Variants in MYO1D observed in about 807,000 individuals in gnomAD.
MYO1D encodes the protein unconventional myosin-Id.
A neutral mutation model predicts 122.0 loss-of-function variants in MYO1D; 83 were observed. The observed-to-expected ratio is 0.68, with a 90% CI of 0.57 to 0.82. The LOEUF is 0.82. Ranked by LOEUF, MYO1D falls within the 40% of genes least tolerant of loss-of-function variation. The pLI is 0.00. For synonymous variants in MYO1D, 464 were observed against 446.9 expected (o/e 1.04, Z -0.48); for missense variants, 1,157 against 1,269.5 (o/e 0.91, Z 1.35).
intron 21 of MYO1D, chr17:32,498,547 C>T (rs1909205842): frequency 6.6e-6 from 1 of 152,224 alleles, no homozygotes; most frequent in East Asian, 1.9e-4. Context: ...GCACTGGAAA[C>T]ATGAAACCCG....
intron 21 of MYO1D, among the ~76,000 whole-genome samples, chr17:32,524,035 C>T (rs571334551): frequency 3.9e-5 from 6 of 152,314 alleles, no homozygotes; most frequent in East Asian, 1.9e-4. Context: ...CAGTGCCGTG[C>T]GTAATCAGCA....
At chr17:32,600,285 T>C (rs907950877) in intron 21 of MYO1D, among the ~76,000 whole-genome samples, 3 of 152,200 alleles carry the variant, frequency 2.0e-5, no homozygotes, top group African/African-American at 4.8e-5. Context: ...CCTGGGATTT[T>C]TGGAACAGTC....
chr17:32,657,803 C>T (rs2088497520), intron 17 of MYO1D, among the ~76,000 whole-genome samples: 1 of 152,186 alleles, frequency 6.6e-6, no homozygotes, highest in Non-Finnish European at 1.5e-5. Flanking sequence ...TTCTAGACCA[C>T]AAGTAAAACC....
At chr17:32,667,075 T>C (rs1482300519) in intron 16 of MYO1D, among the ~76,000 whole-genome samples, 1 of 152,214 alleles carries the variant, frequency 6.6e-6, no homozygotes, top group African/African-American at 2.4e-5. Flanking sequence ...GTTAAAAAGT[T>C]GTGGTAGAGG....
intron 1 of MYO1D, among the ~76,000 whole-genome samples, chr17:32,803,543 G>C (rs1451396838): frequency 6.6e-6 from 1 of 152,126 alleles, no homozygotes; most frequent in Non-Finnish European, 1.5e-5. Flanking sequence ...TCATGAAATT[G>C]GTTTGGGAAA....
At chr17:32,601,368 G>A (rs1010774781) in intron 21 of MYO1D, among the ~76,000 whole-genome samples, 4 of 152,100 alleles carry the variant, frequency 2.6e-5, no homozygotes, top group African/African-American at 9.7e-5. Flanking sequence ...GGAGCCTGAG[G>A]AGAGGAAGAG....
intron 10 of MYO1D, among the ~76,000 whole-genome samples, chr17:32,758,267 A>C (rs1218313975): frequency 6.6e-6 from 1 of 152,174 alleles, no homozygotes; most frequent in Non-Finnish European, 1.5e-5. Flanking sequence ...GGAAAAAAAG[A>C]AACATGGAGA....
At chr17:32,862,947 A>T (rs1321599174) in intron 1 of MYO1D, 3 of 152,230 alleles carry the variant, frequency 2.0e-5, no homozygotes, top group Non-Finnish European at 4.4e-5. Flanking sequence ...TCCAGAAGAC[A>T]GAGTCCGGGG....
intron 1 of MYO1D, among the ~76,000 whole-genome samples, chr17:32,847,741 C>G (rs947946328): frequency 7.2e-5 from 11 of 152,102 alleles, no homozygotes; most frequent in Non-Finnish European, 1.0e-4. Flanking sequence ...TCTCCAACTC[C>G]TGGGCTCAAG....
chr17:32,659,505 T>C, intron 16 of MYO1D, 167 bp from the exon 17 acceptor site: 2 of 632,104 alleles, frequency 3.2e-6, no homozygotes, highest in Non-Finnish European at 5.5e-6. Context: ...CACCAACAGA[T>C]GGCGTGGGGA....
intron 21 of MYO1D, among the ~76,000 whole-genome samples, chr17:32,547,722 C>T (rs149484058): frequency 1.4e-4 from 21 of 152,246 alleles, no homozygotes; most frequent in Admixed American, 1.1e-3. Context: ...CAAGGCAGGC[C>T]GATCACTTGA....
At chr17:32,643,483 G>C (rs2088235403) in intron 19 of MYO1D, among the ~76,000 whole-genome samples, 1 of 152,152 alleles carries the variant, frequency 6.6e-6, no homozygotes, top group Non-Finnish European at 1.5e-5. Context: ...GATTGGAATA[G>C]TTTCAGAAGG....
chr17:32,803,443 G>C (rs1475270105), intron 1 of MYO1D, among the ~76,000 whole-genome samples: 2 of 152,010 alleles, frequency 1.3e-5, no homozygotes, highest in Non-Finnish European at 2.9e-5. Context: ...ACCACGCCGG[G>C]CCCAGAACTT....
At chr17:32,870,075 C>T (rs1342974297) in intron 1 of MYO1D, among the ~76,000 whole-genome samples, 1 of 152,006 alleles carries the variant, frequency 6.6e-6, no homozygotes, top group Non-Finnish European at 1.5e-5. Flanking sequence ...AAGAAATGAC[C>T]CTGAATAAAA....
At chr17:32,548,470 T>C (rs2086983708) in intron 21 of MYO1D, among the ~76,000 whole-genome samples, 1 of 150,826 alleles carries the variant, frequency 6.6e-6, no homozygotes, top group Non-Finnish European at 1.5e-5. Flanking sequence ...TATCTAGGTA[T>C]AGAAGGCAGA....
At chr17:32,610,609 G>A (rs2087688059) in intron 20 of MYO1D, among the ~76,000 whole-genome samples, 1 of 152,080 alleles carries the variant, frequency 6.6e-6, no homozygotes, top group Non-Finnish European at 1.5e-5. Flanking sequence ...ATAACATCAG[G>A]TGCCTTGTCT....
At chr17:32,663,638 C>G (rs551397127) in intron 16 of MYO1D, among the ~76,000 whole-genome samples, 14 of 152,154 alleles carry the variant, frequency 9.2e-5, no homozygotes, top group Non-Finnish European at 1.9e-4. Flanking sequence ...CATTTTACAC[C>G]CACTTATTGA....
At chr17:32,830,671 A>G (rs973696191) in intron 1 of MYO1D, among the ~76,000 whole-genome samples, 5 of 152,254 alleles carry the variant, frequency 3.3e-5, no homozygotes, top group Non-Finnish European at 5.9e-5. Flanking sequence ...GCAGATAAAC[A>G]CAAAATATTA....
At chr17:32,796,073 C>T (rs1472204563) in intron 1 of MYO1D, among the ~76,000 whole-genome samples, 1 of 152,156 alleles carries the variant, frequency 6.6e-6, no homozygotes, top group Non-Finnish European at 1.5e-5. Flanking sequence ...ATGAAAATTA[C>T]CTATTAATAA....
Sources: allele counts gnomAD v4.1 joint callset (sites outside exome capture counted in the v4.1 genomes callset), GRCh38; gene constraint gnomAD v4.1.1; transcripts MANE v1.5; gene names NCBI Gene and HGNC (gene_info 2026-07-23, HGNC 2026-07-21).